The following ATM variants were observed in gnomAD, a reference collection of about 807,000 sequenced individuals.
ATM encodes ATM serine/threonine kinase, also known as serine-protein kinase ATM.
A neutral mutation model predicts 387.0 loss-of-function variants in ATM; 308 were observed. The ratio of observed to expected loss-of-function variants is 0.80; its 90% CI spans 0.73 to 0.87. ATM has a LOEUF of 0.87. ATM is among the 40% of genes least tolerant of loss of function. The pLI is 0.00. For missense variants in ATM, 3,312 were observed against 3,560.9 expected (o/e 0.93, Z 1.78); for synonymous variants, 1,156 against 1,187.3 (o/e 0.97, Z 0.54).
chr11:108,332,999 C>G (rs1181902896), intron 53 of ATM, 99 bp downstream of exon 53: 1 of 1,431,392 alleles, frequency 7.0e-7, no homozygotes, highest in Non-Finnish European at 9.6e-7. Context: ...TGCTTAAAAT[C>G]ACAAACGTAA....
intron 4 of ATM, chr11:108,230,374 C>T (rs781655953): frequency 6.6e-6 from 1 of 152,268 alleles, no homozygotes; most frequent in Non-Finnish European, 1.5e-5. Context: ...TGAGATTACG[C>T]CACTACACTC....
chr11:108,329,347 T>G, intron 49 of ATM, 109 bp downstream of exon 49: 3 of 1,023,082 alleles, frequency 2.9e-6, no homozygotes, highest in South Asian at 1.5e-5. Flanking sequence ...TTTTGAGCTC[T>G]AAAGGTCGGC....
At chr11:108,245,149 T>C in intron 7 of ATM, 123 bp downstream of exon 7, 1 of 816,840 alleles carries the variant, frequency 1.2e-6, no homozygotes. Context: ...TTGATAATGT[T>C]ACTTAGCCAT....
At chr11:108,294,463 G>T (rs998205009) in intron 31 of ATM, among the ~76,000 whole-genome samples, 12 of 152,176 alleles carry the variant, frequency 7.9e-5, no homozygotes, top group African/African-American at 2.9e-4. Context: ...GATTAGGCTG[G>T]GTGCAGTGGC....
At position 108,299,830 on chromosome 11, in the gene ATM, C is replaced by A. The variant is rs1555104730; in HGVS notation, c.5122C>A (p.Leu1708Ile). Residue 1708 changes from leucine (L) to isoleucine (I), a missense_variant, in exon 34 of 63, where the codon CTT becomes ATT. Transcript: ENST00000675843. Reference protein sequence around the residue: ...KALKLFEDKELQWTFIMLTYL... With the variant: ...KALKLFEDKEIQWTFIMLTYL... The stretch of plus-strand genomic sequence containing the variant: ...CCTTAAGTTATTTGAAGATAAAGAA[C>A]TTCAGTGGACCTTCATAATGCTGAC... 1 of 1,613,918 alleles carries A rather than the reference C, an allele frequency of 6.2e-7. No homozygotes were observed. The highest frequency in any genetic ancestry group is 8.5e-7 in the Non-Finnish European group (1 of 1,179,922).
Position 108,267,204 on chromosome 11 carries a change from G to GA in ATM, c.2502dup (p.Val835SerfsTer7), listed in dbSNP as rs587779822. The GA allele has an allele frequency of 1.2e-6, 2 of 1,614,152 alleles. No homozygotes were observed. Among genetic ancestry groups the GA allele is most frequent in the Non-Finnish European group, 1.7e-6 (2 of 1,180,024 alleles). On this transcript the variant is annotated frameshift_variant, in exon 17 of 63. Transcript: ENST00000675843. LOFTEE classifies it high-confidence loss of function. Reference sequence around the variant, plus strand: ...CATCAAAAAGCCATTTGACCGTGGAGAAGTAGAATCAATGGAAGATGATAC... The same window carrying GA: ...CATCAAAAAGCCATTTGACCGTGGAGAAAGTAGAATCAATGGAAGATGATAC...
intron 56 of ATM, chr11:108,340,255 C>G (rs576587776): frequency 3.2e-4 from 49 of 152,272 alleles, no homozygotes; most frequent in African/African-American, 1.1e-3. Flanking sequence ...TCAGCAGTTA[C>G]CAACTCATGG....
chr11:108,298,456 CAG>C lies in ATM; in HGVS notation c.5005+1076_5005+1077del, dbSNP rs374936517. Among the ~76,000 whole-genome samples the C allele has an allele frequency of 1.2e-4, 19 of 152,302 alleles. No homozygotes were observed. In the East Asian group the frequency reaches 3.5e-3, roughly 28 times the overall value. On this transcript the variant is annotated intron_variant, in intron 33 of 62. Coordinates refer to ENST00000675843, the MANE Select transcript of ATM (RefSeq NM_000051.4). ...TACATGTAGCACCCAGACTAAAAAA[CAG>C]AATCTTACCAGAACTGTAGAAGTTT... is the stretch of plus-strand genomic sequence containing the variant.
intron 59 of ATM, 121 bp from the exon 60 acceptor site, chr11:108,353,645 A>T: frequency 1.3e-6 from 1 of 781,806 alleles, no homozygotes; most frequent in Non-Finnish European, 2.3e-6. Flanking sequence ...TACTGTACAT[A>T]CTAGTGTTCA....
intron 5 of ATM, among the ~76,000 whole-genome samples, chr11:108,241,875 G>A (rs1363515583): frequency 6.7e-6 from 1 of 149,708 alleles, no homozygotes; most frequent in Non-Finnish European, 1.5e-5. Flanking sequence ...CTTCCAAGTA[G>A]CTGTGACCAC....
In ATM at chr11:108,284,315, TG is replaced by T. The variant is rs1268103356; in HGVS notation, c.3837del (p.Trp1279Ter). 6.2e-7 allele frequency: 1 copy of T among 1,614,050 alleles called. No homozygotes were observed. Among genetic ancestry groups the T allele is most frequent in the East Asian group, 2.2e-5 (1 of 44,844 alleles). On this transcript the variant is annotated frameshift_variant, in exon 26 of 63. Coordinates refer to ENST00000675843, the MANE Select transcript of ATM (RefSeq NM_000051.4). LOFTEE classifies it high-confidence loss of function. ...KSIANQIQED[W>X]KSLLTDCFPK... ...CATTGCTAATCAGATTCAAGAGGAC[TG>T]GAAAAGTCTTCTAACAGACTGCTTT...
intron 61 of ATM, among the ~76,000 whole-genome samples, chr11:108,362,918 G>A (rs1025256818): frequency 1.1e-4 from 16 of 151,630 alleles, no homozygotes; most frequent in Non-Finnish European, 2.2e-4. Context: ...CCTGCACAAT[G>A]TGCACATGTA....
rs2082217373 is a variant in ATM at position 108,281,236 on chromosome 11, G to T, written c.3576+68G>T. ...CTGTGAAATAATTTAAAAAGTTAAA[G>T]CTAGATTTTCTGAGTGGCACTTATT... is the stretch of plus-strand genomic sequence containing the variant. On this transcript the variant is annotated intron_variant, in intron 24 of 62. Coordinates refer to ENST00000675843, the MANE Select transcript of ATM (RefSeq NM_000051.4). 7 of 1,542,654 alleles carry T rather than the reference G, an allele frequency of 4.5e-6. No homozygotes were observed. The South Asian group carries it at 6.8e-5, about 15-fold the overall frequency.
At position 108,235,599 on chromosome 11, in the gene ATM, A is replaced by G. The variant is rs2234996; in HGVS notation, c.332-71A>G. On this transcript the variant is annotated intron_variant, in intron 4 of 62. Coordinates refer to ENST00000675843, the MANE Select transcript of ATM (RefSeq NM_000051.4). The stretch of plus-strand genomic sequence containing the variant: ...TAATTTCCCAAATGGAATTATTTAA[A>G]TAGTTGCCATTCCAAGTGTCTTATT... 0.036 allele frequency: 47,581 copies of G among 1,330,594 alleles called. 1,091 individuals are homozygous for G. Among genetic ancestry groups the G allele is most frequent in the South Asian group, 0.046 (3,622 of 79,308 alleles). 82.4% of individuals were successfully genotyped at this position (1,330,594 alleles called of 1,614,324 possible). A position where few individuals can be genotyped will look rare whatever the true frequency, so the allele number is the denominator to read the frequency against.
intron 39 of ATM, among the ~76,000 whole-genome samples, chr11:108,311,036 T>C (rs1343415474): frequency 6.6e-6 from 1 of 152,196 alleles, no homozygotes; most frequent in Non-Finnish European, 1.5e-5. Flanking sequence ...GGTGCGATCA[T>C]AGCTCACTGT....
In ATM at chr11:108,281,083, G is replaced by A. The variant is rs2082208412; in HGVS notation, c.3491G>A (p.Cys1164Tyr). 6.2e-7 allele frequency: 1 copy of A among 1,613,810 alleles called. No homozygotes were observed. The highest frequency in any genetic ancestry group is 1.1e-5 in the South Asian group (1 of 91,060). ...LLTLIAVVLSCSPICEKQALF... is the reference protein window; with the variant it reads ...LLTLIAVVLSYSPICEKQALF... Reference sequence around the variant, plus strand: ...ACGTTGATAGCTGTGGTTTTATCCTGTAGCCCTATCTGCGAAAAACAGGCT... The same window carrying A: ...ACGTTGATAGCTGTGGTTTTATCCTATAGCCCTATCTGCGAAAAACAGGCT... The change falls in exon 24 of 63, where the codon TGT (cysteine) becomes TAT (tyrosine). Residue 1164 changes from cysteine (C) to tyrosine (Y), a missense_variant. Cys to Tyr is a radical substitution (Grantham distance 194, BLOSUM62 -2). Coordinates refer to ENST00000675843, the MANE Select transcript of ATM (RefSeq NM_000051.4).
chr11:108,321,431 CG>C lies in ATM; in HGVS notation c.6572+12del, dbSNP rs1555117290. 1.2e-6 allele frequency: 2 copies of C among 1,613,878 alleles called. No homozygotes were observed. Among genetic ancestry groups the C allele is most frequent in the East Asian group, 4.5e-5 (2 of 44,870 alleles). On this transcript the variant is annotated intron_variant, in intron 45 of 62. Transcript: ENST00000675843. Reference sequence around the variant, plus strand: ...GGAGCTTTTCTCAAGGTATGTAATTCGTATGACTTTGTTATCCTAAAGTGCA... The same window carrying C: ...GGAGCTTTTCTCAAGGTATGTAATTCTATGACTTTGTTATCCTAAAGTGCA...
At chr11:108,311,419 G>A (rs1015135759) in intron 39 of ATM, among the ~76,000 whole-genome samples, 12 of 152,258 alleles carry the variant, frequency 7.9e-5, no homozygotes, top group African/African-American at 2.9e-4. Context: ...AAGAAGGTTG[G>A]GCACAGTGGC....
chr11:108,361,448 T>G (rs1193138862), intron 61 of ATM, among the ~76,000 whole-genome samples: 1 of 151,980 alleles, frequency 6.6e-6, no homozygotes, highest in East Asian at 1.9e-4. Context: ...AAAAAACTAC[T>G]TTAAAGTTCA....
Sources: allele counts gnomAD v4.1 joint callset (sites outside exome capture counted in the v4.1 genomes callset), GRCh38; gene constraint gnomAD v4.1.1; transcripts MANE v1.5; gene names NCBI Gene and HGNC (gene_info 2026-07-23, HGNC 2026-07-21).